The following RPH3A variants were observed in gnomAD, a reference collection of about 807,000 sequenced individuals.
RPH3A encodes the protein rabphilin-3A.
In RPH3A, 48 loss-of-function variants were observed where a neutral mutation model predicts 102.2. The ratio of observed to expected loss-of-function variants is 0.47; its 90% CI spans 0.37 to 0.60. RPH3A has a LOEUF of 0.60. Among genes scored for constraint, RPH3A ranks in the 20% least tolerant of loss-of-function variants. RPH3A has a pLI of 0.00. For synonymous variants in RPH3A, 310 were observed against 324.3 expected, an observed-to-expected ratio of 0.96 and a Z score of 0.47; for missense variants, 781 against 910.1, an observed-to-expected ratio of 0.86 and a Z score of 1.83.
At chr12:112,765,984 T>G (rs1307051174) in intron 1 of RPH3A, among the ~76,000 whole-genome samples, 2 of 152,174 alleles carry the variant, frequency 1.3e-5, no homozygotes, top group African/African-American at 2.4e-5. Context: ...CCCATACACA[T>G]GCTCTCAGTG....
chr12:112,799,025 A>G (rs989377264), intron 2 of RPH3A, among the ~76,000 whole-genome samples: 11 of 152,204 alleles, frequency 7.2e-5, no homozygotes, highest in Non-Finnish European at 1.6e-4. Context: ...GGCTCCAAGT[A>G]GGGTCACCAA....
intron 10 of RPH3A, among the ~76,000 whole-genome samples, chr12:112,871,464 G>A (rs1042775904): frequency 3.3e-5 from 5 of 152,230 alleles, no homozygotes; most frequent in Middle Eastern, 3.4e-3. Context: ...TTTCATGACT[G>A]GCTTATTCCA....
intron 1 of RPH3A, among the ~76,000 whole-genome samples, chr12:112,770,852 G>C (rs1005714728): frequency 1.3e-5 from 2 of 152,156 alleles, no homozygotes; most frequent in South Asian, 2.1e-4. Flanking sequence ...TATGGCTTGG[G>C]GCAGGGGTCA....
chr12:112,620,436 G>A (rs1310688360), intron 1 of RPH3A, among the ~76,000 whole-genome samples: 1 of 152,140 alleles, frequency 6.6e-6, no homozygotes, highest in East Asian at 1.9e-4. Context: ...CATTCTCCTG[G>A]TCGTTTCCTT....
Position 112,876,630 on chromosome 12 carries a change from A to C in RPH3A, c.947-12A>C, listed in dbSNP as rs990251356. On this transcript the variant is annotated splice_polypyrimidine_tract_variant and intron_variant, in intron 12 of 21. Transcript: ENST00000389385. ...ATGCAGCTGCATGTTTCCTGTCCTT[A>C]TCTCCCTGCAGAGGTGGCTCCGAGC... 6.3e-7 allele frequency: 1 copy of C among 1,576,254 alleles called. No homozygotes were observed. The highest frequency in any genetic ancestry group is 1.2e-5 in the South Asian group (1 of 86,938).
chr12:112,695,813 G>GT (rs1182490280), intron 1 of RPH3A, among the ~76,000 whole-genome samples: 6 of 152,018 alleles, frequency 3.9e-5, no homozygotes, highest in South Asian at 2.1e-4. Flanking sequence ...ACCTGGAGTA[G>GT]TTTTTTTTGC....
chr12:112,787,047 A>C (rs1486078062), upstream of RPH3A, among the ~76,000 whole-genome samples: 1 of 150,766 alleles, frequency 6.6e-6, no homozygotes, highest in African/African-American at 2.4e-5. Context: ...ACCTCTCCCT[A>C]CCTCTCTTTC....
intron 1 of RPH3A, among the ~76,000 whole-genome samples, chr12:112,747,588 G>A (rs1355771228): frequency 6.6e-6 from 1 of 152,088 alleles, no homozygotes; most frequent in Non-Finnish European, 1.5e-5. Context: ...CATAGCAAGT[G>A]CTCGGTCAAT....
intron 1 of RPH3A, among the ~76,000 whole-genome samples, chr12:112,719,113 C>T (rs1437324532): frequency 1.3e-5 from 2 of 152,116 alleles, no homozygotes; most frequent in Non-Finnish European, 2.9e-5. Context: ...AAGAAAGCTG[C>T]TAAATATCCT....
chr12:112,847,326 A>T (rs578203354), intron 4 of RPH3A, among the ~76,000 whole-genome samples: 2 of 152,212 alleles, frequency 1.3e-5, no homozygotes, highest in African/African-American at 4.8e-5. Context: ...CCCAAAAGCC[A>T]TCTCTCTGCC....
At chr12:112,589,644 CACA>C (rs2039462554) in intron 1 of RPH3A, among the ~76,000 whole-genome samples, 1 of 152,220 alleles carries the variant, frequency 6.6e-6, no homozygotes, top group Admixed American at 6.5e-5. Context: ...TCTTTTTAAT[CACA>C]ACAATGAACA....
chr12:112,844,516 C>G (rs2084732591), intron 4 of RPH3A, among the ~76,000 whole-genome samples: 1 of 152,210 alleles, frequency 6.6e-6, no homozygotes, highest in African/African-American at 2.4e-5. Context: ...CCAGCCCATA[C>G]CTTGATTGCA....
intron 2 of RPH3A, among the ~76,000 whole-genome samples, chr12:112,797,525 C>T (rs1198877057): frequency 6.6e-6 from 1 of 152,062 alleles, no homozygotes; most frequent in African/African-American, 2.4e-5. Flanking sequence ...GCATGTCGCT[C>T]CCATTCCCTG....
intron 1 of RPH3A, among the ~76,000 whole-genome samples, chr12:112,682,587 G>A (rs1017245709): frequency 1.7e-4 from 26 of 151,866 alleles, no homozygotes; most frequent in African/African-American, 6.1e-4. Flanking sequence ...TCTTTCTTGG[G>A]GGGGATTCAG....
chr12:112,636,410 C>G (rs1477730122), intron 1 of RPH3A, among the ~76,000 whole-genome samples: 1 of 152,178 alleles, frequency 6.6e-6, no homozygotes, highest in Non-Finnish European at 1.5e-5. Context: ...TTATATAGAA[C>G]AGTGTTTCTC....
At position 112,868,505 on chromosome 12, in the gene RPH3A, A is replaced by G; in HGVS notation, c.520A>G (p.Lys174Glu). The change falls in exon 8 of 22, where the codon AAG (lysine) becomes GAG (glutamate). Residue 174 changes from lysine (K) to glutamate (E), a missense_variant. By Grantham distance (56) the Lys-to-Glu change is moderately conservative (BLOSUM62 1). Transcript: ENST00000389385. The part of the protein sequence containing the change: ...QVLPQPMPIK[K>E]TKPQQPVSEP... ...CCTCCCACAGCCTATGCCTATAAAG[A>G]AGACCAAGCCCCAGCAGCCTGTCAG... 1 of 1,614,140 alleles carries G rather than the reference A, an allele frequency of 6.2e-7. No individual in the cohort carries two copies.
intron 1 of RPH3A, among the ~76,000 whole-genome samples, chr12:112,620,587 G>A (rs950496846): frequency 2.0e-5 from 3 of 152,102 alleles, no homozygotes; most frequent in Non-Finnish European, 4.4e-5. Context: ...CTCTAGACCT[G>A]CACAGCTAAC....
chr12:112,602,939 T>C (rs1379933756), intron 1 of RPH3A, among the ~76,000 whole-genome samples: 1 of 152,172 alleles, frequency 6.6e-6, no homozygotes, highest in Non-Finnish European at 1.5e-5. Context: ...TTAAGTGATA[T>C]GGGAGCTATT....
At chr12:112,870,772 G>C (rs1252511574) in intron 10 of RPH3A, among the ~76,000 whole-genome samples, 1 of 152,116 alleles carries the variant, frequency 6.6e-6, no homozygotes, top group Non-Finnish European at 1.5e-5. Context: ...ATTGGCAACA[G>C]AGCTGGGCAC....
Sources: gnomAD v4.1 joint callset for allele counts (sites outside exome capture counted in the v4.1 genomes callset) on GRCh38, gnomAD v4.1.1 for gene constraint, MANE v1.5 for transcripts, NCBI Gene and HGNC (gene_info 2026-07-23, HGNC 2026-07-21) for gene names.